Variants in RIMS2 observed in about 807,000 individuals in gnomAD.
RIMS2 encodes the protein regulating synaptic membrane exocytosis protein 2.
RIMS2 carries 59 observed loss-of-function variants against 174.4 expected under a neutral mutation model. The ratio of observed to expected loss-of-function variants is 0.34; its 90% CI spans 0.27 to 0.42. The LOEUF (loss-of-function observed/expected upper bound fraction) is 0.42, where lower values mean the gene tolerates loss of function less well. Ranked by LOEUF, RIMS2 falls within the 10% of genes least tolerant of loss-of-function variation. The pLI, the probability that RIMS2 is intolerant of heterozygous loss-of-function variation, is 1.00. For missense variants in RIMS2, 1,620 were observed against 1,666.3 expected (o/e 0.97, Z 0.48); for synonymous variants, 606 against 572.5 (o/e 1.06, Z -0.84).
At chr8:103,942,518 T>C (rs2082765679) in intron 13 of RIMS2, among the ~76,000 whole-genome samples, 1 of 152,176 alleles carries the variant, frequency 6.6e-6, no homozygotes. Flanking sequence ...GTAAATTTGA[T>C]AGACTCTAGT....
intron 19 of RIMS2, among the ~76,000 whole-genome samples, chr8:104,157,630 C>T (rs1337736867): frequency 1.3e-5 from 2 of 152,180 alleles, no homozygotes. Context: ...GATATTTCTA[C>T]TCATCAGAAT....
intron 3 of RIMS2, among the ~76,000 whole-genome samples, chr8:103,845,493 T>C (rs997872433): frequency 6.6e-6 from 1 of 152,202 alleles, no homozygotes; most frequent in Admixed American, 6.5e-5. Flanking sequence ...ACTGTGACTC[T>C]CTAAATCATG....
Position 103,637,932 on chromosome 8 carries a change from GAA to G in RIMS2, c.177-59150_177-59149del, listed in dbSNP as rs2096126927. Among the ~76,000 whole-genome samples the G allele has an allele frequency of 3.9e-5, 6 of 152,214 alleles. No homozygotes were observed. In the South Asian group the frequency reaches 1.0e-3, roughly 26 times the overall value. ...AATACTGGTGAAAGTTGTGAAAACA[GAA>G]AAAGAGTGTTCCCTAATTTCAATTT... is the stretch of plus-strand genomic sequence containing the variant. On this transcript the variant is annotated intron_variant, in intron 1 of 23. Coordinates refer to ENST00000504942, the Ensembl canonical transcript of RIMS2.
At chr8:103,851,688 CACACAG>C (rs2098999236) in intron 3 of RIMS2, among the ~76,000 whole-genome samples, 1 of 133,544 alleles carries the variant, frequency 7.5e-6, no homozygotes, top group Non-Finnish European at 1.6e-5. Context: ...CACACACACA[CACACAG>C]GCAACTCAAA....
chr8:103,552,418 C>A (rs1268991746), intron 1 of RIMS2, among the ~76,000 whole-genome samples: 1 of 152,112 alleles, frequency 6.6e-6, no homozygotes, highest in African/African-American at 2.4e-5. Flanking sequence ...GAAATTGGAT[C>A]CCTTCTTTAT....
intron 3 of RIMS2, among the ~76,000 whole-genome samples, chr8:103,871,322 A>T (rs2099110545): frequency 6.6e-6 from 1 of 152,186 alleles, no homozygotes; most frequent in African/African-American, 2.4e-5. Context: ...TGAACCTGGG[A>T]GGCAGAGGTT....
intron 1 of RIMS2, among the ~76,000 whole-genome samples, chr8:103,614,831 A>T (rs1164634888): frequency 6.6e-6 from 1 of 152,220 alleles, no homozygotes; most frequent in African/African-American, 2.4e-5. Flanking sequence ...ATTTCTATTA[A>T]TACATGTTTC....
At chr8:103,570,886 A>G (rs1172401851) in intron 1 of RIMS2, among the ~76,000 whole-genome samples, 1 of 152,124 alleles carries the variant, frequency 6.6e-6, no homozygotes, top group Admixed American at 6.6e-5. Flanking sequence ...AAAAGCTGCA[A>G]TTACTTTTGC....
At chr8:104,034,558 C>T (rs1329438985) in intron 19 of RIMS2, among the ~76,000 whole-genome samples, 1 of 150,330 alleles carries the variant, frequency 6.7e-6, no homozygotes, top group Non-Finnish European at 1.5e-5. Flanking sequence ...GTAGCCTCCA[C>T]CTCCTGGTTC....
intron 1 of RIMS2, among the ~76,000 whole-genome samples, chr8:103,671,887 A>G (rs1261118127): frequency 5.3e-5 from 8 of 152,196 alleles, no homozygotes; most frequent in Non-Finnish European, 1.0e-4. Context: ...AATGCTTCCC[A>G]TATGCTTTAA....
chr8:103,876,909 T>TACATACAC (rs2099143285), intron 3 of RIMS2, among the ~76,000 whole-genome samples: 1 of 66,112 alleles, frequency 1.5e-5, no homozygotes, highest in Non-Finnish European at 3.6e-5. Flanking sequence ...TATATATATA[T>TACATACAC]ACACACACAC....
chr8:104,204,046 A>G (rs1481382593), intron 19 of RIMS2, among the ~76,000 whole-genome samples: 2 of 152,156 alleles, frequency 1.3e-5, no homozygotes, highest in East Asian at 1.9e-4. Flanking sequence ...ATGCAGAAGA[A>G]CTCTCTGCCC....
intron 3 of RIMS2, among the ~76,000 whole-genome samples, chr8:103,883,756 T>G (rs1017110493): frequency 1.4e-4 from 22 of 151,800 alleles, no homozygotes; most frequent in African/African-American, 5.3e-4. Flanking sequence ...AAGCCATTAT[T>G]GTCAAGCATT....
intron 1 of RIMS2, among the ~76,000 whole-genome samples, chr8:103,568,405 AT>A (rs1193586875): frequency 1.3e-5 from 2 of 152,258 alleles, no homozygotes; most frequent in Admixed American, 6.5e-5. Context: ...ATTGGAGATT[AT>A]TAAAAGTAGC....
intron 19 of RIMS2, among the ~76,000 whole-genome samples, chr8:104,177,110 G>A (rs1209888150): frequency 6.6e-6 from 1 of 152,060 alleles, no homozygotes; most frequent in African/African-American, 2.4e-5. Context: ...TATTTCGTTT[G>A]CATATAAAGG....
intron 1 of RIMS2, among the ~76,000 whole-genome samples, chr8:103,519,469 T>G (rs1298959499): frequency 6.6e-6 from 1 of 152,088 alleles, no homozygotes; most frequent in East Asian, 1.9e-4. Context: ...TCAAACACTC[T>G]TCTCTCTTTC....
chr8:104,177,116 A>G (rs1355709756), intron 19 of RIMS2, among the ~76,000 whole-genome samples: 2 of 152,152 alleles, frequency 1.3e-5, no homozygotes, highest in Non-Finnish European at 2.9e-5. Context: ...GTTTGCATAT[A>G]AAGGAGGTAA....
intron 2 of RIMS2, among the ~76,000 whole-genome samples, chr8:103,722,536 T>C: frequency 6.6e-6 from 1 of 152,048 alleles, no homozygotes; most frequent in African/African-American, 2.4e-5. Context: ...AGGATTTGTG[T>C]TCCTGTGAGA....
chr8:103,522,982 A>G (rs1456608772), intron 1 of RIMS2, among the ~76,000 whole-genome samples: 1 of 152,158 alleles, frequency 6.6e-6, no homozygotes, highest in East Asian at 1.9e-4. Context: ...AAGGGGTACA[A>G]TGACAGGGAA....
Sources: gnomAD v4.1 joint callset for allele counts (sites outside exome capture counted in the v4.1 genomes callset) on GRCh38, gnomAD v4.1.1 for gene constraint, MANE v1.5 for transcripts, NCBI Gene and HGNC (gene_info 2026-07-23, HGNC 2026-07-21) for gene names.